The following RGL1 variants were observed in gnomAD, a reference collection of about 807,000 sequenced individuals.
RGL1 encodes the protein ral guanine nucleotide dissociation stimulator like 1, also known as ral guanine nucleotide dissociation stimulator-like 1.
RGL1 carries 24 observed loss-of-function variants against 95.2 expected under a neutral mutation model. The ratio of observed to expected loss-of-function variants is 0.25; its 90% confidence interval spans 0.18 to 0.35. The LOEUF is 0.35. RGL1 is among the 10% of genes least tolerant of loss of function. The pLI is 1.00. For synonymous variants in RGL1, 329 were observed against 344.9 expected (o/e 0.95, Z 0.51); for missense variants, 715 against 936.3 (o/e 0.76, Z 3.08).
intron 2 of RGL1, among the ~76,000 whole-genome samples, chr1:183,782,559 A>G (rs754137424): frequency 2.0e-5 from 3 of 152,196 alleles, no homozygotes; most frequent in Non-Finnish European, 4.4e-5. Context: ...TTGGCACTAC[A>G]TATTTTTATG....
chr1:183,885,948 G>T (rs774080924), intron 7 of RGL1, among the ~76,000 whole-genome samples: 3 of 151,334 alleles, frequency 2.0e-5, no homozygotes, highest in Non-Finnish European at 4.4e-5. Context: ...AGATTAGAGA[G>T]GTTTTTTTTT....
chr1:183,892,386 T>C (rs539000663), intron 9 of RGL1, among the ~76,000 whole-genome samples: 8 of 152,352 alleles, frequency 5.3e-5, no homozygotes, highest in African/African-American at 1.9e-4. Context: ...TTGCCTGTTA[T>C]GCAAGCAGAT....
chr1:183,924,440 CAG>C (rs1183181931), intron 17 of RGL1, among the ~76,000 whole-genome samples: 2 of 151,882 alleles, frequency 1.3e-5, no homozygotes, highest in Non-Finnish European at 2.9e-5. Flanking sequence ...CACATGGACA[CAG>C]GGAGGGGAAT....
chr1:183,758,060 A>G (rs1023144970), intron 2 of RGL1, among the ~76,000 whole-genome samples: 4 of 152,168 alleles, frequency 2.6e-5, no homozygotes, highest in African/African-American at 7.2e-5. Flanking sequence ...TTGAGTCATA[A>G]TCTTCTTCCA....
chr1:183,737,335 C>T (rs1272025911), intron 1 of RGL1, among the ~76,000 whole-genome samples: 1 of 152,176 alleles, frequency 6.6e-6, no homozygotes, highest in Non-Finnish European at 1.5e-5. Context: ...CCATCAGCTG[C>T]GCCCTTTGTT....
chr1:183,819,509 T>C lies in RGL1; in HGVS notation c.138+13024T>C, dbSNP rs1311291778. Reference sequence around the variant, plus strand: ...TGGTTTTACATTCTTAAGTTTGAAATTTTCACTTTAGGCAAAATGTAAAGT... The same window carrying C: ...TGGTTTTACATTCTTAAGTTTGAAACTTTCACTTTAGGCAAAATGTAAAGT... On this transcript the variant is annotated intron_variant, in intron 2 of 17. Coordinates refer to ENST00000360851, the MANE Select transcript of RGL1 (RefSeq NM_001297671.3). 2.6e-5 allele frequency among the ~76,000 whole-genome samples: 4 copies of C among 152,190 alleles called. No individual in the cohort carries two copies. In the East Asian group the frequency reaches 7.7e-4, roughly 29 times the overall value.
At chr1:183,743,409 A>G (rs544991438) in intron 2 of RGL1, among the ~76,000 whole-genome samples, 2 of 152,324 alleles carry the variant, frequency 1.3e-5, no homozygotes, top group Admixed American at 6.5e-5. Flanking sequence ...TAGGGAAAAC[A>G]GAGAACACTT....
At chr1:183,751,333 C>T (rs530093703) in intron 2 of RGL1, among the ~76,000 whole-genome samples, 10 of 152,250 alleles carry the variant, frequency 6.6e-5, no homozygotes, top group South Asian at 2.1e-4. Context: ...CCACCCAGTC[C>T]GAACTTCCCA....
At chr1:183,834,618 T>C (rs548207059) in intron 2 of RGL1, among the ~76,000 whole-genome samples, 2 of 152,268 alleles carry the variant, frequency 1.3e-5, no homozygotes, top group African/African-American at 2.4e-5. Flanking sequence ...AAATTCCTTA[T>C]TCCTTTTATA....
intron 2 of RGL1, among the ~76,000 whole-genome samples, chr1:183,820,190 T>A (rs1662374992): frequency 6.6e-6 from 1 of 152,208 alleles, no homozygotes. Context: ...TTCCAATTTT[T>A]GTTCACAGGC....
At position 183,848,762 on chromosome 1, in the gene RGL1, T is replaced by C. The variant is rs191492171; in HGVS notation, c.347+988T>C. The stretch of plus-strand genomic sequence containing the variant: ...GACCATCAACTAGGCAAATAACACA[T>C]ATTAACATTTTAAAAATAGAGGTAA... On this transcript the variant is annotated intron_variant, in intron 3 of 17. Transcript: ENST00000360851. Among the ~76,000 whole-genome samples, 15 of 152,260 alleles carry C rather than the reference T, an allele frequency of 9.9e-5. No individual in the cohort carries two copies. The East Asian group carries it at 1.9e-3, about 20-fold the overall frequency.
At chr1:183,896,035 C>T (rs1667679664) in intron 9 of RGL1, among the ~76,000 whole-genome samples, 1 of 152,198 alleles carries the variant, frequency 6.6e-6, no homozygotes. Flanking sequence ...TCTACAATAA[C>T]TTATGATACA....
chr1:183,764,905 A>G (rs1461767082), intron 2 of RGL1, among the ~76,000 whole-genome samples: 1 of 152,248 alleles, frequency 6.6e-6, no homozygotes, highest in Non-Finnish European at 1.5e-5. Flanking sequence ...AAGTGCAGCA[A>G]GAATCATTGT....
chr1:183,825,330 A>G (rs1427556475), intron 2 of RGL1, among the ~76,000 whole-genome samples: 2 of 152,234 alleles, frequency 1.3e-5, no homozygotes, highest in African/African-American at 4.8e-5. Context: ...AAAATGGAAA[A>G]TAAAAGAGTA....
chr1:183,698,243 C>T (rs1302649586), intron 1 of RGL1, among the ~76,000 whole-genome samples: 2 of 152,212 alleles, frequency 1.3e-5, no homozygotes, highest in East Asian at 3.8e-4. Context: ...TGGGCTCAGC[C>T]CTTGCGTTCT....
At chr1:183,763,310 T>C (rs1307871816) in intron 2 of RGL1, among the ~76,000 whole-genome samples, 1 of 152,046 alleles carries the variant, frequency 6.6e-6, no homozygotes, top group Non-Finnish European at 1.5e-5. Context: ...ATGGGTGCAG[T>C]AAACCACTAT....
At chr1:183,852,514 T>A (rs901610326) in intron 3 of RGL1, among the ~76,000 whole-genome samples, 2 of 152,154 alleles carry the variant, frequency 1.3e-5, no homozygotes, top group African/African-American at 2.4e-5. Context: ...AAACATACAC[T>A]CACTCAGTTA....
intron 1 of RGL1, among the ~76,000 whole-genome samples, chr1:183,733,919 C>T (rs926642158): frequency 3.3e-5 from 5 of 152,182 alleles, no homozygotes; most frequent in African/African-American, 1.2e-4. Flanking sequence ...TAAGGATTGG[C>T]TTAGAGCCAG....
intron 1 of RGL1, among the ~76,000 whole-genome samples, chr1:183,714,859 C>T (rs1173509035): frequency 2.0e-5 from 3 of 152,104 alleles, no homozygotes; most frequent in Non-Finnish European, 4.4e-5. Context: ...ACATGAAGAC[C>T]CGTTGCTCAC....
Sources: gnomAD v4.1 joint callset for allele counts (sites outside exome capture counted in the v4.1 genomes callset) on GRCh38, gnomAD v4.1.1 for gene constraint, MANE v1.5 for transcripts, NCBI Gene and HGNC (gene_info 2026-07-23, HGNC 2026-07-21) for gene names.